ROBO2: variants seen among roughly 807,000 people sequenced by gnomAD.
ROBO2 encodes the protein roundabout homolog 2.
ROBO2 carries 53 observed loss-of-function variants against 160.8 expected under a neutral mutation model. The ratio of observed to expected loss-of-function variants is 0.33; its 90% CI spans 0.26 to 0.41. The LOEUF is 0.41. Ranked by LOEUF, ROBO2 falls within the 10% of genes least tolerant of loss-of-function variation. The pLI, the probability that ROBO2 is intolerant of heterozygous loss-of-function variation, is 1.00. For missense variants in ROBO2, 1,577 were observed against 1,722.4 expected (o/e 0.92, Z 1.49); for synonymous variants, 664 against 611.7 (o/e 1.09, Z -1.26).
intron 2 of ROBO2, among the ~76,000 whole-genome samples, chr3:76,118,360 T>A (rs2070567814): frequency 6.6e-6 from 1 of 152,164 alleles, no homozygotes; most frequent in Admixed American, 6.6e-5. Flanking sequence ...CTGTTATCTG[T>A]TAACACCCAA....
chr3:77,338,434 G>T (rs886944266), intron 2 of ROBO2, among the ~76,000 whole-genome samples: 3 of 152,142 alleles, frequency 2.0e-5, no homozygotes, highest in Non-Finnish European at 4.4e-5. Flanking sequence ...GCAGATGCGT[G>T]TTGTGAAGAT....
chr3:77,375,633 G>T (rs994545570), intron 2 of ROBO2, among the ~76,000 whole-genome samples: 4 of 152,170 alleles, frequency 2.6e-5, no homozygotes, highest in African/African-American at 9.7e-5. Flanking sequence ...TAGGGTTCAA[G>T]TTAAGATAAT....
intron 2 of ROBO2, among the ~76,000 whole-genome samples, chr3:76,472,063 A>ATGTG (rs57259386): frequency 0.012 from 1,714 of 137,916 alleles, 22 homozygotes; most frequent in Middle Eastern, 0.019. Context: ...GTCTGATAAA[A>ATGTG]TGTGTGTGTG....
intron 2 of ROBO2, among the ~76,000 whole-genome samples, chr3:76,130,114 G>GGAATT (rs1195832711): frequency 2.6e-5 from 4 of 151,944 alleles, no homozygotes; most frequent in African/African-American, 9.7e-5. Context: ...TGGAGAGATG[G>GGAATT]GAATTTTCAT....
intron 2 of ROBO2, among the ~76,000 whole-genome samples, chr3:76,316,074 GA>G (rs1559752081): frequency 6.6e-6 from 1 of 152,074 alleles, no homozygotes; most frequent in Non-Finnish European, 1.5e-5. Flanking sequence ...TGCTTCTGAG[GA>G]AACAGGACCA....
chr3:76,235,708 G>T (rs1704901595), intron 2 of ROBO2, among the ~76,000 whole-genome samples: 1 of 152,190 alleles, frequency 6.6e-6, no homozygotes, highest in Non-Finnish European at 1.5e-5. Context: ...CATTTGCTTA[G>T]AGAGAAAAGT....
intron 2 of ROBO2, among the ~76,000 whole-genome samples, chr3:76,721,966 G>A (rs2093473352): frequency 6.6e-6 from 1 of 152,170 alleles, no homozygotes; most frequent in Non-Finnish European, 1.5e-5. Context: ...TCTGCTGTCT[G>A]CCATGAAGAA....
chr3:76,461,854 G>C (rs1444096334), intron 2 of ROBO2, among the ~76,000 whole-genome samples: 2 of 152,016 alleles, frequency 1.3e-5, no homozygotes, highest in Non-Finnish European at 2.9e-5. Context: ...GCCATCCTTA[G>C]TTGCTTAGAA....
chr3:76,688,118 T>G (rs1182987654), intron 2 of ROBO2, among the ~76,000 whole-genome samples: 1 of 152,104 alleles, frequency 6.6e-6, no homozygotes, highest in Non-Finnish European at 1.5e-5. Context: ...TGAAAAGTAG[T>G]AATCATATTA....
chr3:76,918,876 G>A (rs111787315), intron 2 of ROBO2, among the ~76,000 whole-genome samples: 22,278 of 151,836 alleles, frequency 0.15, 1,808 homozygotes, highest in Non-Finnish European at 0.19. Flanking sequence ...GGCATGAGGT[G>A]GTATCTCATT....
chr3:77,445,262 G>A (rs1157166145), intron 2 of ROBO2, among the ~76,000 whole-genome samples: 3 of 151,992 alleles, frequency 2.0e-5, no homozygotes, highest in Non-Finnish European at 4.4e-5. Flanking sequence ...TTAATTTAAG[G>A]AAAAATATGA....
chr3:77,099,937 T>A (rs1178000062), intron 2 of ROBO2, among the ~76,000 whole-genome samples: 1 of 152,076 alleles, frequency 6.6e-6, no homozygotes, highest in Non-Finnish European at 1.5e-5. Flanking sequence ...TGGTCTATTT[T>A]AAATATATAA....
intron 2 of ROBO2, among the ~76,000 whole-genome samples, chr3:76,610,756 CTCTT>C (rs2088043318): frequency 6.6e-6 from 1 of 151,870 alleles, no homozygotes; most frequent in Admixed American, 6.6e-5. Flanking sequence ...TGTCACAGCT[CTCTT>C]TCTCCTGTGG....
At chr3:77,134,951 A>AC (rs1452937594) in intron 2 of ROBO2, among the ~76,000 whole-genome samples, 2 of 151,898 alleles carry the variant, frequency 1.3e-5, no homozygotes, top group Admixed American at 1.3e-4. Context: ...CCCCGGGCCC[A>AC]CCCCCCGTTT....
chr3:76,239,682 A>C (rs1705172471), intron 2 of ROBO2, among the ~76,000 whole-genome samples: 1 of 152,186 alleles, frequency 6.6e-6, no homozygotes, highest in African/African-American at 2.4e-5. Flanking sequence ...CTACTTGATC[A>C]AGATTACAAA....
intron 2 of ROBO2, among the ~76,000 whole-genome samples, chr3:76,336,774 C>G (rs1016991519): frequency 1.3e-5 from 2 of 149,622 alleles, no homozygotes; most frequent in African/African-American, 4.9e-5. Context: ...CATTATCCAT[C>G]TATAAATATA....
At chr3:76,799,461 A>C (rs945652841) in intron 2 of ROBO2, among the ~76,000 whole-genome samples, 3 of 151,968 alleles carry the variant, frequency 2.0e-5, no homozygotes, top group African/African-American at 7.2e-5. Context: ...ATATGTTCTT[A>C]TATTTAAAAA....
chr3:76,622,220 AAGGAAGGAAGGAAGG>A lies in ROBO2; in HGVS notation c.110-475792_110-475778del, dbSNP rs1560251516. Among the ~76,000 whole-genome samples the A allele has an allele frequency of 1.3e-3, 64 of 49,846 alleles. 5 individuals carry two copies. The highest frequency in any genetic ancestry group is 5.8e-3 in the African/African-American group (64 of 11,024). The allele number at this position is 49,846 out of a possible 152,430, so 32.7% of individuals were successfully genotyped here. A position where few individuals can be genotyped will look rare whatever the true frequency, so the allele number is the denominator to read the frequency against. ...GAAGGAAGGAAGGAAGGAAGGAAGG[AAGGAAGGAAGGAAGG>A]AAGAAAGAAAGAAAGAAAGAAAGAA... On this transcript the variant is annotated intron_variant, in intron 2 of 26. Transcript: ENST00000487694.
chr3:76,194,320 T>C, intron 2 of ROBO2, among the ~76,000 whole-genome samples: 1 of 142,966 alleles, frequency 7.0e-6, no homozygotes, highest in East Asian at 2.1e-4. Flanking sequence ...TCTTTTTATG[T>C]ATATATATCT....
Sources: allele counts gnomAD v4.1 joint callset (sites outside exome capture counted in the v4.1 genomes callset), GRCh38; gene constraint gnomAD v4.1.1; transcripts MANE v1.5; gene names NCBI Gene and HGNC (gene_info 2026-07-23, HGNC 2026-07-21).